Variants in UNC5D observed in about 807,000 individuals in gnomAD.
UNC5D encodes unc-5 netrin receptor D.
Under a neutral mutation model 105.4 loss-of-function variants are expected in UNC5D, and 39 were observed. The ratio of observed to expected loss-of-function variants is 0.37; its 90% CI spans 0.29 to 0.48. The LOEUF (loss-of-function observed/expected upper bound fraction) is 0.48, where lower values mean the gene tolerates loss of function less well. Ranked by LOEUF, UNC5D falls within the 20% of genes least tolerant of loss-of-function variation. The pLI is 0.98. For missense variants in UNC5D, 991 were observed against 1,202.4 expected (o/e 0.82, Z 2.60); for synonymous variants, 452 against 450.4 (o/e 1.00, Z -0.04).
chr8:35,507,504 T>C lies in UNC5D; in HGVS notation c.104-41788T>C, dbSNP rs201171094. 4.0e-5 allele frequency among the ~76,000 whole-genome samples: 6 copies of C among 151,892 alleles called. No homozygotes were observed. In the East Asian group the frequency reaches 1.2e-3, roughly 30 times the overall value. ...TAGAGGCAATGACAACACAGCGTGGTGGATAGAGAAATTTTCGTGGGTCTT... is the reference window on the plus strand; with the variant it reads ...TAGAGGCAATGACAACACAGCGTGGCGGATAGAGAAATTTTCGTGGGTCTT... On this transcript the variant is annotated intron_variant, in intron 1 of 16. Transcript: ENST00000404895.
At chr8:35,268,829 T>C (rs1377524610) in intron 1 of UNC5D, among the ~76,000 whole-genome samples, 1 of 152,162 alleles carries the variant, frequency 6.6e-6, no homozygotes, top group Non-Finnish European at 1.5e-5. Context: ...AAGTATCTTA[T>C]GCAGGGTCCC....
chr8:35,433,467 G>T lies in UNC5D; in HGVS notation c.104-115825G>T, dbSNP rs1806789217. Among the ~76,000 whole-genome samples, 6 of 151,818 alleles carry T rather than the reference G, an allele frequency of 4.0e-5. No homozygotes were observed. The South Asian group carries it at 1.2e-3, about 31-fold the overall frequency. On this transcript the variant is annotated intron_variant, in intron 1 of 16. Transcript: ENST00000404895. ...AGGAAAGAAATGGTAACTTACACAAGTTTACATGTATTAATTTCTATCAAC... is the reference window on the plus strand; with the variant it reads ...AGGAAAGAAATGGTAACTTACACAATTTTACATGTATTAATTTCTATCAAC...
chr8:35,466,688 C>T (rs1022401834), intron 1 of UNC5D, among the ~76,000 whole-genome samples: 1 of 152,102 alleles, frequency 6.6e-6, no homozygotes, highest in Non-Finnish European at 1.5e-5. Flanking sequence ...TTCAACAGTC[C>T]TGTATTTGCC....
chr8:35,550,650 G>A (rs1816063260), intron 2 of UNC5D, among the ~76,000 whole-genome samples: 1 of 152,106 alleles, frequency 6.6e-6, no homozygotes. Flanking sequence ...ACAGAGATAA[G>A]ACAAATATGC....
intron 1 of UNC5D, among the ~76,000 whole-genome samples, chr8:35,539,617 T>G (rs568146599): frequency 7.6e-4 from 116 of 152,310 alleles, no homozygotes; most frequent in Non-Finnish European, 1.2e-3. Context: ...CTGGATGACT[T>G]CTAAGATAGG....
At chr8:35,339,821 G>A (rs1045238566) in intron 1 of UNC5D, among the ~76,000 whole-genome samples, 3 of 152,164 alleles carry the variant, frequency 2.0e-5, no homozygotes, top group Non-Finnish European at 2.9e-5. Context: ...TCTTGAGTCA[G>A]TATAATTTTA....
chr8:35,445,654 A>G (rs1807729359), intron 1 of UNC5D, among the ~76,000 whole-genome samples: 1 of 152,082 alleles, frequency 6.6e-6, no homozygotes. Context: ...GATCCTATCT[A>G]TAACCCAGTA....
chr8:35,693,329 G>A (rs532513170), intron 7 of UNC5D, among the ~76,000 whole-genome samples: 2 of 152,158 alleles, frequency 1.3e-5, no homozygotes, highest in East Asian at 1.9e-4. Context: ...TTACCGTAAC[G>A]CTTCTCCCTT....
intron 1 of UNC5D, among the ~76,000 whole-genome samples, chr8:35,295,023 A>T (rs1807374254): frequency 6.6e-6 from 1 of 152,216 alleles, no homozygotes; most frequent in African/African-American, 2.4e-5. Context: ...GATTAGTTTC[A>T]CATGATATTT....
At chr8:35,614,109 G>A (rs1820864143) in intron 4 of UNC5D, among the ~76,000 whole-genome samples, 1 of 152,204 alleles carries the variant, frequency 6.6e-6, no homozygotes, top group Non-Finnish European at 1.5e-5. Context: ...CTTGCCTGCT[G>A]TTTTAATAAT....
At chr8:35,524,022 TG>T (rs1403371258) in intron 1 of UNC5D, among the ~76,000 whole-genome samples, 9 of 6,852 alleles carry the variant, frequency 1.3e-3, no homozygotes, top group Non-Finnish European at 2.5e-3. Flanking sequence ...GGAGTTGGGG[TG>T]GGGCGTAAGA....
chr8:35,313,749 G>A (rs1013838790), intron 1 of UNC5D, among the ~76,000 whole-genome samples: 35 of 152,094 alleles, frequency 2.3e-4, no homozygotes, highest in African/African-American at 8.5e-4. Flanking sequence ...CTTTAATACC[G>A]TACCGCAGCT....
intron 14 of UNC5D, among the ~76,000 whole-genome samples, chr8:35,760,035 TTTTTC>T: frequency 6.7e-6 from 1 of 148,956 alleles, no homozygotes; most frequent in East Asian, 2.0e-4. Context: ...TGGCTTTTAC[TTTTTC>T]TTTTTTTTTT....
chr8:35,641,704 C>T (rs1216328426), intron 4 of UNC5D, among the ~76,000 whole-genome samples: 1 of 152,106 alleles, frequency 6.6e-6, no homozygotes, highest in East Asian at 1.9e-4. Context: ...GGGCTGTGTT[C>T]ACAGGACCTG....
chr8:35,435,902 G>A (rs2128979249), intron 1 of UNC5D, among the ~76,000 whole-genome samples: 1 of 152,044 alleles, frequency 6.6e-6, no homozygotes, highest in South Asian at 2.1e-4. Flanking sequence ...ATGTTGCAGG[G>A]TTACATTATG....
intron 4 of UNC5D, among the ~76,000 whole-genome samples, chr8:35,615,250 C>A (rs1563594737): frequency 6.6e-6 from 1 of 152,098 alleles, no homozygotes; most frequent in Non-Finnish European, 1.5e-5. Context: ...TTCCTAGGTG[C>A]TTGTCTTTGC....
At chr8:35,771,127 A>C (rs907322746) in intron 15 of UNC5D, among the ~76,000 whole-genome samples, 4 of 152,208 alleles carry the variant, frequency 2.6e-5, no homozygotes, top group Admixed American at 2.6e-4. Flanking sequence ...AATGTGTAGT[A>C]AATTGAAAAA....
chr8:35,600,661 G>C (rs1394354731), intron 4 of UNC5D, among the ~76,000 whole-genome samples: 4 of 152,002 alleles, frequency 2.6e-5, no homozygotes, highest in Non-Finnish European at 5.9e-5. Context: ...TTTTTTTCTT[G>C]TAAATTTCTT....
chr8:35,328,793 A>T (rs2051668919), intron 1 of UNC5D, among the ~76,000 whole-genome samples: 1 of 152,214 alleles, frequency 6.6e-6, no homozygotes, highest in South Asian at 2.1e-4. Flanking sequence ...TGGAGGCCAC[A>T]GGAGTATCGT....
Sources: gnomAD v4.1 joint callset for allele counts (sites outside exome capture counted in the v4.1 genomes callset) on GRCh38, gnomAD v4.1.1 for gene constraint, MANE v1.5 for transcripts, NCBI Gene and HGNC (gene_info 2026-07-23, HGNC 2026-07-21) for gene names.